The following WWC2 variants were observed in gnomAD, a reference collection of about 807,000 sequenced individuals.
WWC2 encodes WW and C2 domain containing 2.
Under a neutral mutation model 138.5 loss-of-function variants are expected in WWC2, and 101 were observed. The observed-to-expected ratio is 0.73, with a 90% CI of 0.62 to 0.86. The LOEUF (loss-of-function observed/expected upper bound fraction) is 0.86. Ranked by LOEUF, WWC2 falls within the 40% of genes least tolerant of loss-of-function variation. The pLI is 0.00. For missense variants in WWC2, 1,420 were observed against 1,419.4 expected (o/e 1.00, Z -0.01); for synonymous variants, 558 against 538.4 (o/e 1.04, Z -0.50).
Position 183,208,978 on chromosome 4 carries a change from TATG to T in WWC2, c.478_480del (p.Asp160del). The stretch of plus-strand genomic sequence containing the variant: ...CTCAGGATCTTCATCCAGTACTAAA[TATG>T]ATCCCGATATTTTAAAAGCTGAGAT... On this transcript the variant is annotated inframe_deletion, in exon 4 of 23. Transcript: ENST00000403733. The T allele has an allele frequency of 1.3e-6, 2 of 1,570,106 alleles. No homozygotes were observed. The highest frequency in any genetic ancestry group is 1.7e-6 in the Non-Finnish European group (2 of 1,155,158).
intron 1 of WWC2, among the ~76,000 whole-genome samples, chr4:183,146,582 G>A (rs1269878275): frequency 1.3e-5 from 2 of 152,212 alleles, no homozygotes; most frequent in African/African-American, 2.4e-5. Flanking sequence ...TCTGGGACAG[G>A]GTGGGGAAGG....
At chr4:183,189,705 A>C (rs1055436325) in intron 1 of WWC2, among the ~76,000 whole-genome samples, 6 of 152,232 alleles carry the variant, frequency 3.9e-5, no homozygotes, top group African/African-American at 1.2e-4. Flanking sequence ...AAGTAAAAAT[A>C]ACTGTTAAGA....
intron 1 of WWC2, among the ~76,000 whole-genome samples, chr4:183,184,205 A>G (rs933272275): frequency 2.6e-5 from 4 of 152,108 alleles, no homozygotes; most frequent in African/African-American, 7.2e-5. Flanking sequence ...TGAACTAGCT[A>G]TTTCATATAG....
chr4:183,319,567 G>A lies in WWC2; in HGVS notation c.*3838G>A. On this transcript the variant is annotated 3_prime_UTR_variant, in exon 23 of 23. Coordinates refer to ENST00000403733, the MANE Select transcript of WWC2 (RefSeq NM_024949.6). ...TTGTCCTTTCTGGCTTAGTGTTTCA[G>A]GTTGGTGTTTCTCGTCTCCAGTTCT... 1.2e-6 allele frequency: 2 copies of A among 1,611,446 alleles called. No homozygotes were observed. Among genetic ancestry groups the A allele is most frequent in the South Asian group, 1.1e-5 (1 of 90,566 alleles).
At chr4:183,223,811 A>G (rs555650115) in intron 4 of WWC2, among the ~76,000 whole-genome samples, 9 of 152,296 alleles carry the variant, frequency 5.9e-5, no homozygotes, top group Admixed American at 5.2e-4. Flanking sequence ...GCTCACTGCA[A>G]CGTCTGCCTC....
chr4:183,144,020 A>C (rs1401021632), intron 1 of WWC2, among the ~76,000 whole-genome samples: 2 of 152,222 alleles, frequency 1.3e-5, no homozygotes, highest in African/African-American at 4.8e-5. Context: ...TATGAAATTA[A>C]GATAACAGAT....
At chr4:183,312,578 C>T (rs1044811864) in intron 22 of WWC2, 110 bp downstream of exon 22, 3 of 1,473,436 alleles carry the variant, frequency 2.0e-6, no homozygotes, top group African/African-American at 2.8e-5. Context: ...GACAGAAGTC[C>T]TCTGTTCTCT....
chr4:183,100,974 C>G (rs1048887081), intron 1 of WWC2, among the ~76,000 whole-genome samples: 1 of 152,210 alleles, frequency 6.6e-6, no homozygotes. Flanking sequence ...AAACTTCACG[C>G]TCCAAGCCAG....
At chr4:183,228,685 T>G (rs1367814588) in intron 4 of WWC2, among the ~76,000 whole-genome samples, 2 of 152,070 alleles carry the variant, frequency 1.3e-5, no homozygotes, top group Non-Finnish European at 2.9e-5. Context: ...TGAAGCGTCG[T>G]TAAGGATGTG....
chr4:183,143,999 C>T (rs1733378512), intron 1 of WWC2, among the ~76,000 whole-genome samples: 1 of 152,062 alleles, frequency 6.6e-6, no homozygotes, highest in Non-Finnish European at 1.5e-5. Context: ...AAAGGCCAAA[C>T]TACTAGTGAA....
At chr4:183,314,172 G>A (rs1032402067) in intron 22 of WWC2, among the ~76,000 whole-genome samples, 1 of 152,120 alleles carries the variant, frequency 6.6e-6, no homozygotes, top group South Asian at 2.1e-4. Context: ...CCCTGCAGTA[G>A]AGAGGTTTTT....
At position 183,186,908 on chromosome 4, in the gene WWC2, C is replaced by A. The variant is rs192374643; in HGVS notation, c.132-6691C>A. 1.7e-3 allele frequency among the ~76,000 whole-genome samples: 252 copies of A among 152,266 alleles called. 3 individuals carry two copies. The highest frequency in any genetic ancestry group is 7.7e-4 in the East Asian group (4 of 5,166). ...AATTGTCTGAGGACCCAAGCAGGTG[C>A]AGACATAACATGAACTAATCTGAAG... is the stretch of plus-strand genomic sequence containing the variant. On this transcript the variant is annotated intron_variant, in intron 1 of 22. Coordinates refer to ENST00000403733, the MANE Select transcript of WWC2 (RefSeq NM_024949.6).
At chr4:183,237,991 A>G (rs1187090976) in intron 4 of WWC2, among the ~76,000 whole-genome samples, 1 of 152,078 alleles carries the variant, frequency 6.6e-6, no homozygotes, top group Non-Finnish European at 1.5e-5. Flanking sequence ...TTCAATACAC[A>G]CCCACTTTAG....
chr4:183,247,661 A>G (rs1164861975), intron 6 of WWC2, among the ~76,000 whole-genome samples: 2 of 140,648 alleles, frequency 1.4e-5, no homozygotes, highest in African/African-American at 5.3e-5. Context: ...TATACTATAT[A>G]TACTATATAT....
chr4:183,296,270 A>C (rs984173757), intron 21 of WWC2, among the ~76,000 whole-genome samples: 2 of 152,206 alleles, frequency 1.3e-5, no homozygotes, highest in African/African-American at 4.8e-5. Flanking sequence ...TTGCTCACAA[A>C]ACAGGCCTTC....
At chr4:183,296,422 T>A (rs1252022545) in intron 21 of WWC2, among the ~76,000 whole-genome samples, 1 of 152,178 alleles carries the variant, frequency 6.6e-6, no homozygotes, top group Non-Finnish European at 1.5e-5. Context: ...AAGATCTCCT[T>A]TGTTTTGCCC....
Position 183,180,988 on chromosome 4 carries a change from A to G in WWC2, c.132-12611A>G, listed in dbSNP as rs531585458. The stretch of plus-strand genomic sequence containing the variant: ...CATAAAATATACACACCATTATAAG[A>G]CTTTAAAATTTATCAAAACTTATGC... On this transcript the variant is annotated intron_variant, in intron 1 of 22. Coordinates refer to ENST00000403733, the MANE Select transcript of WWC2 (RefSeq NM_024949.6). 3.3e-5 allele frequency among the ~76,000 whole-genome samples: 5 copies of G among 152,344 alleles called. No individual in the cohort carries two copies. In the South Asian group the frequency reaches 1.0e-3, roughly 32 times the overall value.
In WWC2 at chr4:183,258,238, A is replaced by G. The variant is rs114961799; in HGVS notation, c.1197-1401A>G. On this transcript the variant is annotated intron_variant, in intron 9 of 22. Transcript: ENST00000403733. Reference sequence around the variant, plus strand: ...ACTTTTAATTCAGTTAGTCTACTTCATATTACTTTTTTCCTCGTTGAGTTT... The same window carrying G: ...ACTTTTAATTCAGTTAGTCTACTTCGTATTACTTTTTTCCTCGTTGAGTTT... 1.4e-3 allele frequency among the ~76,000 whole-genome samples: 208 copies of G among 152,256 alleles called. 1 individual carries two copies. Among genetic ancestry groups the G allele is most frequent in the African/African-American group, 4.9e-3 (203 of 41,556 alleles).
chr4:183,265,119 G>A lies in WWC2; in HGVS notation c.2039+12G>A, dbSNP rs1275448084. ...GCTTTCGTGAAACAGTAAGGATTCA[G>A]CAGGGGCGCTTTTAGCTCCAGCGAA... On this transcript the variant is annotated intron_variant, in intron 12 of 22. Transcript: ENST00000403733. The A allele has an allele frequency of 3.8e-6, 6 of 1,595,250 alleles. No homozygotes were observed. The highest frequency in any genetic ancestry group is 5.1e-6 in the Non-Finnish European group (6 of 1,170,908).
Sources: allele counts gnomAD v4.1 joint callset (sites outside exome capture counted in the v4.1 genomes callset), GRCh38; gene constraint gnomAD v4.1.1; transcripts MANE v1.5; gene names NCBI Gene and HGNC (gene_info 2026-07-23, HGNC 2026-07-21).